The following DDX11 variants were observed in gnomAD, a reference collection of about 807,000 sequenced individuals.
DDX11 encodes DEAD/H-box helicase 11.
In DDX11, 72 loss-of-function variants were observed where a neutral mutation model predicts 125.2. That is an observed-to-expected ratio of 0.58 (90% CI 0.48 to 0.70). The LOEUF (loss-of-function observed/expected upper bound fraction) is 0.70, where lower values mean the gene tolerates loss of function less well. DDX11 is among the 30% of genes least tolerant of loss of function. The probability of loss-of-function intolerance (pLI) is 0.00; values close to 1 mark genes in which losing one functional copy is unlikely to be tolerated. For synonymous variants in DDX11, 347 were observed against 452.6 expected, an observed-to-expected ratio of 0.77 and a Z score of 2.96; for missense variants, 883 against 1,165.0, an observed-to-expected ratio of 0.76 and a Z score of 3.52.
Position 31,083,876 on chromosome 12 carries a change from C to T in DDX11, c.208C>T (p.Arg70Cys), listed in dbSNP as rs752983849. ...SWLRDFEQKK[R>C]EEEARLLETG... The stretch of plus-strand genomic sequence containing the variant: ...GCTCCGTGACTTTGAACAGAAGAAG[C>T]GTGAAGAAGAGGCACGACTCCTTGA... The change falls in exon 3 of 27, where the codon CGT becomes TGT. Residue 70 changes from arginine to cysteine, a missense_variant. Arg to Cys is a radical substitution (Grantham distance 180, BLOSUM62 -3). Coordinates refer to ENST00000542838, the MANE Select transcript of DDX11 (RefSeq NM_030653.4). 13 of 1,612,818 alleles carry T rather than the reference C, an allele frequency of 8.1e-6. No individual in the cohort carries two copies. The highest frequency in any genetic ancestry group is 2.7e-5 in the African/African-American group (2 of 74,864).
chr12:31,091,989 C>A, intron 10 of DDX11, 118 bp downstream of exon 10: 1 of 1,432,678 alleles, frequency 7.0e-7, no homozygotes, highest in South Asian at 1.2e-5. Flanking sequence ...AGAGGGTGCA[C>A]GAGTCAAGGC....
rs760415148 is a variant in DDX11 at position 31,078,514 on chromosome 12, A to T, written c.121A>T (p.Ile41Leu). 6.2e-7 allele frequency: 1 copy of T among 1,611,658 alleles called. No individual in the cohort carries two copies. Among genetic ancestry groups the T allele is most frequent in the Non-Finnish European group, 8.5e-7 (1 of 1,179,740 alleles). The change falls in exon 2 of 27, where the codon ATA becomes TTA. Residue 41 changes from isoleucine to leucine, a missense_variant. By Grantham distance (5) the Ile-to-Leu change is conservative. Coordinates refer to ENST00000542838, the MANE Select transcript of DDX11 (RefSeq NM_030653.4). ...YRVLEAGKIG[I>L]FESPTGTGKS... ...GGTTTTGGAGGCTGGCAAGATTGGGATATTTGAGAGTCCAACTGGCACTGT... is the reference window on the plus strand; with the variant it reads ...GGTTTTGGAGGCTGGCAAGATTGGGTTATTTGAGAGTCCAACTGGCACTGT...
intron 1 of DDX11, among the ~76,000 whole-genome samples, chr12:31,075,041 C>T (rs1940507270): frequency 6.6e-6 from 1 of 152,120 alleles, no homozygotes; most frequent in African/African-American, 2.4e-5. Flanking sequence ...CTAATATGTT[C>T]CTGAAGTGCT....
chr12:31,075,757 GGAGCCAGAGAA>G (rs1940612636), intron 1 of DDX11, among the ~76,000 whole-genome samples: 1 of 152,206 alleles, frequency 6.6e-6, no homozygotes, highest in African/African-American at 2.4e-5. Context: ...TCTGAGTCCT[GGAGCCAGAGAA>G]GAGCAAGACA....
chr12:31,091,620 A>G (rs1944237597), intron 9 of DDX11, 99 bp from the exon 10 acceptor site: 22 of 1,331,134 alleles, frequency 1.7e-5, no homozygotes, highest in Non-Finnish European at 2.2e-5. Context: ...CAGTCCAGGC[A>G]GGAAATAGAA....
chr12:31,091,812 G>T lies in DDX11; in HGVS notation c.1183G>T (p.Ala395Ser), dbSNP rs1944282415. Residue 395 changes from alanine (A) to serine (S), a missense_variant, in exon 10 of 27, where the codon GCG becomes TCG. Physicochemically the swap from Ala to Ser is moderately conservative, Grantham distance 99 (BLOSUM62 1). Transcript: ENST00000542838. Reference protein sequence around the residue: ...LQDQVVIIDEAHNLIDTITGM... With the variant: ...LQDQVVIIDESHNLIDTITGM... ...GGACCAGGTGGTGATCATCGACGAG[G>T]CGCACAACCTGATCGACACCATCAC... The T allele has an allele frequency of 6.2e-7, 1 of 1,613,806 alleles. No homozygotes were observed. Among genetic ancestry groups the T allele is most frequent in the African/African-American group, 1.3e-5 (1 of 74,946 alleles).
At chr12:31,099,843 C>T (rs1233091336) in intron 18 of DDX11, among the ~76,000 whole-genome samples, 2 of 151,968 alleles carry the variant, frequency 1.3e-5, no homozygotes, top group Admixed American at 6.6e-5. Flanking sequence ...CCAGCCCATT[C>T]CCCACCCCCA....
chr12:31,086,791 G>C (rs1257161294), intron 5 of DDX11, among the ~76,000 whole-genome samples: 1 of 136,516 alleles, frequency 7.3e-6, no homozygotes, highest in Non-Finnish European at 1.5e-5. Flanking sequence ...GTTCTGAATA[G>C]AAAATTTTTG....
rs1944485521 is a variant in DDX11, at chr12:31,092,904, C to T, written c.1289+12C>T. 2.5e-6 allele frequency: 4 copies of T among 1,613,888 alleles called. No homozygotes were observed. Among genetic ancestry groups the T allele is most frequent in the Non-Finnish European group, 3.4e-6 (4 of 1,179,866 alleles). ...GTGGAGCGATACGGGTGAGATGTGACCCTCTGAGGTAGTGGGACAGTCCCT... is the reference window on the plus strand; with the variant it reads ...GTGGAGCGATACGGGTGAGATGTGATCCTCTGAGGTAGTGGGACAGTCCCT... On this transcript the variant is annotated intron_variant, in intron 11 of 26. Coordinates refer to ENST00000542838, the MANE Select transcript of DDX11 (RefSeq NM_030653.4).
intron 5 of DDX11, chr12:31,086,026 G>A (rs1215835829): frequency 2.2e-6 from 1 of 454,366 alleles, no homozygotes; most frequent in Non-Finnish European, 4.4e-6. Context: ...TGTCTGCAGG[G>A]CGCCTTCTGA....
intron 1 of DDX11, among the ~76,000 whole-genome samples, chr12:31,074,848 C>T (rs1188413102): frequency 1.3e-5 from 2 of 152,166 alleles, no homozygotes; most frequent in Non-Finnish European, 2.9e-5. Context: ...TTGGTCAGCC[C>T]CGGCTGCCAT....
rs756632180 is a variant in DDX11, at chr12:31,085,095, G to C, written c.607G>C (p.Glu203Gln). The C allele has an allele frequency of 6.3e-7, 1 of 1,580,930 alleles. No homozygotes were observed. Among genetic ancestry groups the C allele is most frequent in the Non-Finnish European group, 8.6e-7 (1 of 1,162,822 alleles). The change falls in exon 5 of 27, where the codon GAG becomes CAG. Residue 203 changes from glutamate (E) to glutamine (Q), a missense_variant. Glu to Gln is a conservative substitution (Grantham distance 29). Coordinates refer to ENST00000542838, the MANE Select transcript of DDX11 (RefSeq NM_030653.4). ...GEEELVLAEY[E>Q]SDEEKKVASR... ...GGAGGAGCTGGTCCTCGCCGAATAC[G>C]AGAGTGATGAGGAGAAAAAGGTGGC...
At chr12:31,092,787 A>G in intron 10 of DDX11, 59 bp from the exon 11 acceptor site, 4 of 1,533,844 alleles carry the variant, frequency 2.6e-6, no homozygotes, top group Non-Finnish European at 3.6e-6. Flanking sequence ...TGAATCTAAG[A>G]TGTCAGTACC....
intron 5 of DDX11, chr12:31,086,256 C>T (rs1423842333): frequency 2.3e-6 from 1 of 433,778 alleles, no homozygotes; most frequent in African/African-American, 2.0e-5. Flanking sequence ...CTGTTTTGCT[C>T]ATGCACCTGC....
intron 7 of DDX11, 57 bp downstream of exon 7, chr12:31,089,208 T>C (rs762447838): frequency 1.3e-6 from 2 of 1,523,430 alleles, no homozygotes; most frequent in South Asian, 1.1e-5. Flanking sequence ...GCCACAACTT[T>C]GTCCTGCTCG....
chr12:31,089,112 T>C lies in DDX11; in HGVS notation c.753T>C (p.Phe251=). ...TGCATGAGGTGAAGAAGAGCCCCTTTGGCAAGGATGTTCGGCTGGTCTCCC... is the reference window on the plus strand; with the variant it reads ...TGCATGAGGTGAAGAAGAGCCCCTTCGGCAAGGATGTTCGGCTGGTCTCCC... The part of the protein sequence containing the change: ...QFVHEVKKSP[F]GKDVRLVSLG... Residue 251 remains phenylalanine, a synonymous_variant, in exon 7 of 27, where the codon TTT becomes TTC. Coordinates refer to ENST00000542838, the MANE Select transcript of DDX11 (RefSeq NM_030653.4). 1 of 1,614,020 alleles carries C rather than the reference T, an allele frequency of 6.2e-7. No individual in the cohort carries two copies. The highest frequency in any genetic ancestry group is 8.5e-7 in the Non-Finnish European group (1 of 1,179,850).
chr12:31,093,699 C>T (rs1458842855), intron 12 of DDX11: 10 of 186,936 alleles, frequency 5.3e-5, no homozygotes, highest in African/African-American at 2.1e-4. Flanking sequence ...CCAGTCTGGG[C>T]GACAGAGTGA....
Position 31,080,382 on chromosome 12 carries a change from C to G in DDX11, c.144+1845C>G, listed in dbSNP as rs184025336. 4.7e-3 allele frequency among the ~76,000 whole-genome samples: 723 copies of G among 152,346 alleles called. 5 individuals are homozygous for G. Among genetic ancestry groups the G allele is most frequent in the African/African-American group, 0.016 (686 of 41,578 alleles). On this transcript the variant is annotated intron_variant, in intron 2 of 26. Transcript: ENST00000542838. ...CTTGCCTCCTCAATCTGCCGGTTGC[C>G]TCCAGGGCTCTCCTAGCTCAGCTTC...
In DDX11 at chr12:31,101,092, C is replaced by T. The variant is rs1946297246; in HGVS notation, c.2014C>T (p.Leu672=). The change falls in exon 20 of 27, where the codon CTG becomes TTG. Residue 672 remains leucine, a synonymous_variant. Coordinates refer to ENST00000542838, the MANE Select transcript of DDX11 (RefSeq NM_030653.4). ...VICSGISNQP[L]EFTFQKRELP... ...CTGCAGCGGGATCTCCAACCAGCCGCTGGAATTCACGTTCCAGAAAAGAGA... is the reference window on the plus strand; with the variant it reads ...CTGCAGCGGGATCTCCAACCAGCCGTTGGAATTCACGTTCCAGAAAAGAGA... 1 of 1,614,222 alleles carries T rather than the reference C, an allele frequency of 6.2e-7. No individual in the cohort carries two copies. The highest frequency in any genetic ancestry group is 8.5e-7 in the Non-Finnish European group (1 of 1,180,046).
Sources: allele counts gnomAD v4.1 joint callset (sites outside exome capture counted in the v4.1 genomes callset), GRCh38; gene constraint gnomAD v4.1.1; transcripts MANE v1.5; gene names NCBI Gene and HGNC (gene_info 2026-07-23, HGNC 2026-07-21).